The following MTHFD2L variants were observed in gnomAD, a reference collection of about 807,000 sequenced individuals.
The protein encoded by MTHFD2L is methylenetetrahydrofolate dehydrogenase (NADP+ dependent) 2 like.
MTHFD2L carries 29 observed loss-of-function variants against 34.9 expected under a neutral mutation model. The observed-to-expected ratio is 0.83, with a 90% CI of 0.62 to 1.13. MTHFD2L has a LOEUF of 1.13. Ranked by LOEUF, MTHFD2L falls within the 50% of genes most tolerant of loss-of-function variation. The pLI is 0.00. For synonymous variants in MTHFD2L, 167 were observed against 155.7 expected (o/e 1.07, Z -0.54); for missense variants, 481 against 446.5 (o/e 1.08, Z -0.70).
At chr4:74,297,142 G>A (rs1749729985) in intron 7 of MTHFD2L, among the ~76,000 whole-genome samples, 3 of 151,944 alleles carry the variant, frequency 2.0e-5, no homozygotes, top group Admixed American at 2.0e-4. Flanking sequence ...TTTGCAGAGA[G>A]GTCATCCAAA....
intron 5 of MTHFD2L, among the ~76,000 whole-genome samples, chr4:74,218,786 A>T (rs532187872): frequency 6.6e-6 from 1 of 152,066 alleles, no homozygotes; most frequent in Non-Finnish European, 1.5e-5. Context: ...GTCCTAGTTG[A>T]TAATTCTTGG....
At chr4:74,120,025 A>C (rs1269130639), upstream of MTHFD2L, among the ~76,000 whole-genome samples, 2 of 152,222 alleles carry the variant, frequency 1.3e-5, no homozygotes, top group African/African-American at 4.8e-5. Context: ...GCAATTATTG[A>C]AGGCCACCAT....
chr4:74,188,054 A>G (rs977824094), intron 3 of MTHFD2L, among the ~76,000 whole-genome samples: 1 of 152,250 alleles, frequency 6.6e-6, no homozygotes, highest in Non-Finnish European at 1.5e-5. Context: ...ATATTGATGC[A>G]TATTACAATA....
At chr4:74,260,924 AAAG>A (rs1744606952) in intron 6 of MTHFD2L, among the ~76,000 whole-genome samples, 1 of 73,828 alleles carries the variant, frequency 1.4e-5, no homozygotes, top group African/African-American at 8.5e-5. Context: ...TAAAAAAAAC[AAAG>A]AAACAATTAA....
intron 1 of MTHFD2L, among the ~76,000 whole-genome samples, chr4:74,136,816 GC>G (rs1202974879): frequency 6.6e-6 from 1 of 152,056 alleles, no homozygotes; most frequent in Non-Finnish European, 1.5e-5. Flanking sequence ...ATAAATCCAT[GC>G]ATTTGCAGCC....
At position 74,191,340 on chromosome 4, in the gene MTHFD2L, A is replaced by G. The variant is rs937138451; in HGVS notation, c.452-8454A>G. On this transcript the variant is annotated intron_variant, in intron 3 of 7. Coordinates refer to ENST00000325278, the MANE Select transcript of MTHFD2L (RefSeq NM_001144978.3). ...ACACTCAGGATGTGGACTTTGATCT[A>G]TTAGCATAAAACTTTACCTGGTCGT... Among the ~76,000 whole-genome samples, 6 of 151,324 alleles carry G rather than the reference A, an allele frequency of 4.0e-5. No homozygotes were observed. The South Asian group carries it at 6.2e-4, about 16-fold the overall frequency.
intron 3 of MTHFD2L, among the ~76,000 whole-genome samples, chr4:74,176,362 T>G (rs1302030190): frequency 1.3e-5 from 2 of 152,052 alleles, no homozygotes; most frequent in Non-Finnish European, 2.9e-5. Flanking sequence ...CGGGCCTAGG[T>G]TTCTCTTGTC....
At chr4:74,184,375 C>T (rs781344047) in intron 3 of MTHFD2L, among the ~76,000 whole-genome samples, 8 of 152,018 alleles carry the variant, frequency 5.3e-5, no homozygotes, top group Non-Finnish European at 1.0e-4. Flanking sequence ...GCTGGAAGAG[C>T]TATTTAATAT....
chr4:74,301,647 C>A (rs932054643), intron 7 of MTHFD2L, 50 bp from the exon 8 acceptor site: 11 of 1,107,092 alleles, frequency 9.9e-6, no homozygotes, highest in Non-Finnish European at 1.4e-5. Flanking sequence ...ATATTAAAAT[C>A]TCAGATATTT....
At chr4:74,143,182 G>A (rs1348579133) in intron 1 of MTHFD2L, among the ~76,000 whole-genome samples, 2 of 152,068 alleles carry the variant, frequency 1.3e-5, no homozygotes, top group Non-Finnish European at 2.9e-5. Context: ...GGGTATCACA[G>A]TAAGTTGGGA....
At chr4:74,191,483 A>T (rs1732503177) in intron 3 of MTHFD2L, among the ~76,000 whole-genome samples, 1 of 152,066 alleles carries the variant, frequency 6.6e-6, no homozygotes, top group Non-Finnish European at 1.5e-5. Context: ...GGTAGATGCA[A>T]CAATATGAAA....
chr4:74,213,596 C>A (rs1351362742), intron 5 of MTHFD2L, among the ~76,000 whole-genome samples: 3 of 151,852 alleles, frequency 2.0e-5, no homozygotes, highest in Non-Finnish European at 4.4e-5. Flanking sequence ...TCCCTTTGTG[C>A]CTTTGTGGGT....
intron 3 of MTHFD2L, among the ~76,000 whole-genome samples, chr4:74,176,853 G>C (rs1031456019): frequency 6.6e-6 from 1 of 151,944 alleles, no homozygotes. Flanking sequence ...CAATCGTGAT[G>C]TGCAAAAAGT....
At chr4:74,148,809 T>C (rs1723762941) in intron 1 of MTHFD2L, among the ~76,000 whole-genome samples, 3 of 151,856 alleles carry the variant, frequency 2.0e-5, no homozygotes, top group African/African-American at 7.2e-5. Flanking sequence ...TTTACTATCA[T>C]AAATAAACGG....
chr4:74,216,971 G>A (rs2110098675), intron 5 of MTHFD2L, among the ~76,000 whole-genome samples: 1 of 151,758 alleles, frequency 6.6e-6, no homozygotes, highest in African/African-American at 2.4e-5. Flanking sequence ...TAACACCCAT[G>A]ACAACATGAC....
chr4:74,292,069 T>C (rs113225155), intron 7 of MTHFD2L, among the ~76,000 whole-genome samples: 4 of 152,206 alleles, frequency 2.6e-5, no homozygotes, highest in African/African-American at 9.6e-5. Flanking sequence ...TTATTAACGC[T>C]GTGATCACAG....
At chr4:74,201,230 AT>A in intron 4 of MTHFD2L, 32 bp from the exon 5 acceptor site, 1 of 1,525,270 alleles carries the variant, frequency 6.6e-7, no homozygotes, top group Non-Finnish European at 9.1e-7. Context: ...CTTGTTGTCA[AT>A]TCTGCATTTA....
At chr4:74,232,630 C>T (rs536142957) in intron 6 of MTHFD2L, among the ~76,000 whole-genome samples, 1 of 152,268 alleles carries the variant, frequency 6.6e-6, no homozygotes, top group African/African-American at 2.4e-5. Context: ...ACTTAGAAAA[C>T]TTGGACAATA....
At chr4:74,157,762 C>T (rs1301150386), upstream of MTHFD2L, 1 of 479,016 alleles carries the variant, frequency 2.1e-6, no homozygotes, top group Non-Finnish European at 4.1e-6. Context: ...GGCAGGATCT[C>T]TGGCTTGGTG....
Sources: gnomAD v4.1 joint callset for allele counts (sites outside exome capture counted in the v4.1 genomes callset) on GRCh38, gnomAD v4.1.1 for gene constraint, MANE v1.5 for transcripts, NCBI Gene and HGNC (gene_info 2026-07-23, HGNC 2026-07-21) for gene names.